Variants in TPP2 observed in about 807,000 individuals in gnomAD.
TPP2 encodes tripeptidyl peptidase 2, also known as tripeptidyl-peptidase 2.
TPP2 carries 34 observed loss-of-function variants against 155.9 expected under a neutral mutation model. That is an observed-to-expected ratio of 0.22 (90% confidence interval 0.17 to 0.29). TPP2 has a LOEUF of 0.29. Ranked by LOEUF, TPP2 falls within the 10% of genes least tolerant of loss-of-function variation. TPP2 has a pLI of 1.00. For synonymous variants in TPP2, 510 were observed against 529.4 expected, an observed-to-expected ratio of 0.96 and a Z score of 0.50; for missense variants, 1,028 against 1,522.3, an observed-to-expected ratio of 0.68 and a Z score of 5.40.
chr13:102,659,571 G>C (rs1884076042), intron 25 of TPP2, among the ~76,000 whole-genome samples: 1 of 152,150 alleles, frequency 6.6e-6, no homozygotes, highest in Non-Finnish European at 1.5e-5. Flanking sequence ...TATATTCAGA[G>C]TGCTCAAAAA....
chr13:102,605,192 G>A (rs956764792), intron 2 of TPP2, among the ~76,000 whole-genome samples: 11 of 152,190 alleles, frequency 7.2e-5, no homozygotes, highest in African/African-American at 2.7e-4. Flanking sequence ...CTCAGCTTGG[G>A]AGAAGAAGGG....
At chr13:102,604,105 T>A (rs564855509) in intron 1 of TPP2, among the ~76,000 whole-genome samples, 70 of 152,084 alleles carry the variant, frequency 4.6e-4, no homozygotes, top group African/African-American at 1.6e-3. Context: ...CTGGAGAAAA[T>A]CAGGTGGTGG....
Position 102,678,485 on chromosome 13 carries a change from A to T in TPP2, c.*169A>T, listed in dbSNP as rs1307738053. Reference sequence around the variant, plus strand: ...AATTCACTGACGTGTGGCTTAATACATGTAAATCTAGACCTCTGACATCAT... The same window carrying T: ...AATTCACTGACGTGTGGCTTAATACTTGTAAATCTAGACCTCTGACATCAT... On this transcript the variant is annotated 3_prime_UTR_variant, in exon 30 of 30. Coordinates refer to ENST00000376052, the MANE Select transcript of TPP2 (RefSeq NM_001330588.2). 3.9e-6 allele frequency: 2 copies of T among 509,886 alleles called. No individual in the cohort carries two copies. Among genetic ancestry groups the T allele is most frequent in the African/African-American group, 3.1e-5 (1 of 32,280 alleles). The allele number at this position is 509,886 out of a possible 1,614,324, so 31.6% of individuals were successfully genotyped here.
intron 25 of TPP2, among the ~76,000 whole-genome samples, chr13:102,662,747 T>C (rs1884314467): frequency 6.6e-6 from 1 of 152,206 alleles, no homozygotes; most frequent in Non-Finnish European, 1.5e-5. Context: ...TTTGTTAATA[T>C]ATTAAGTGAC....
chr13:102,621,707 C>T (rs1024409061), intron 5 of TPP2, among the ~76,000 whole-genome samples: 2 of 151,952 alleles, frequency 1.3e-5, no homozygotes, highest in Non-Finnish European at 2.9e-5. Flanking sequence ...CAGGCAACAG[C>T]GGTAAGGAAG....
rs540531001 is a variant in TPP2 at position 102,612,116 on chromosome 13, T to TA, written c.295-1977dup. Among the ~76,000 whole-genome samples the TA allele has an allele frequency of 1.2e-3, 175 of 152,142 alleles. 1 individual carries two copies. Among genetic ancestry groups the TA allele is most frequent in the Admixed American group, 2.5e-3 (38 of 15,270 alleles). ...CTTAGTCTTAAATATTTTTGGTTTT[T>TA]AAAAAAAATAAAATAAAGATAAATC... On this transcript the variant is annotated intron_variant, in intron 2 of 29. Transcript: ENST00000376052.
intron 25 of TPP2, 147 bp from the exon 26 acceptor site, chr13:102,663,501 A>T: frequency 1.7e-6 from 1 of 579,104 alleles, no homozygotes; most frequent in East Asian, 3.3e-5. Flanking sequence ...GCCAATAATG[A>T]TAATCCTTGT....
rs555886020 is a variant in TPP2, at chr13:102,597,164, C to T, written c.126C>T (p.Val42=). 26 of 1,588,190 alleles carry T rather than the reference C, an allele frequency of 1.6e-5. No individual in the cohort carries two copies. The South Asian group carries it at 2.6e-4, about 16-fold the overall frequency. ...ATGGGCGGGGGGTGCTCATCGCAGT[C>T]CTGGACACGGGGGTCGACCCGGGGG... ...EYDGRGVLIA[V]LDTGVDPGAP... Residue 42 remains valine (V), a synonymous_variant, in exon 1 of 30, where the codon GTC becomes GTT. Transcript: ENST00000376052.
intron 2 of TPP2, among the ~76,000 whole-genome samples, chr13:102,610,961 CT>C (rs978182809): frequency 1.3e-5 from 2 of 152,090 alleles, no homozygotes; most frequent in African/African-American, 4.8e-5. Context: ...CATTCCTTTG[CT>C]TTTTTGTGTG....
At chr13:102,651,841 G>A (rs1162649853) in intron 24 of TPP2, among the ~76,000 whole-genome samples, 2 of 151,824 alleles carry the variant, frequency 1.3e-5, no homozygotes, top group South Asian at 2.1e-4. Flanking sequence ...TTTTTAAAGC[G>A]AACTTTATTC....
At position 102,640,641 on chromosome 13, in the gene TPP2, A is replaced by ATTTTTTTTTTTT. The variant is rs5806315; in HGVS notation, c.2020+282_2020+293dup. The stretch of plus-strand genomic sequence containing the variant: ...TAGAATAATGCCTTACCTGGTAATA[A>ATTTTTTTTTTTT]TTTTTTTTTTTTTTTTTTTTTTTTT... On this transcript the variant is annotated intron_variant, in intron 16 of 29. Transcript: ENST00000376052. Among the ~76,000 whole-genome samples the ATTTTTTTTTTTT allele has an allele frequency of 2.6e-4, 22 of 84,234 alleles. 1 individual carries two copies. The highest frequency in any genetic ancestry group is 4.2e-4 in the Admixed American group (3 of 7,096). 55.3% of individuals were successfully genotyped at this position (84,234 alleles called of 152,430 possible). A position where few individuals can be genotyped will look rare whatever the true frequency, so the allele number is the denominator to read the frequency against.
intron 25 of TPP2, among the ~76,000 whole-genome samples, chr13:102,662,860 G>A (rs677594): frequency 0.5 from 75,451 of 151,842 alleles, 19,128 homozygotes; most frequent in African/African-American, 0.6. Flanking sequence ...CAGCCTCCGC[G>A]TCGGGGAACA....
At chr13:102,666,576 C>G (rs1884607688) in intron 27 of TPP2, among the ~76,000 whole-genome samples, 1 of 152,032 alleles carries the variant, frequency 6.6e-6, no homozygotes, top group Non-Finnish European at 1.5e-5. Context: ...TACTTTCTAG[C>G]TTTTGTTATT....
intron 17 of TPP2, among the ~76,000 whole-genome samples, chr13:102,644,259 C>A (rs987961721): frequency 2.6e-5 from 4 of 152,156 alleles, no homozygotes; most frequent in African/African-American, 7.2e-5. Context: ...TTTTTTATTT[C>A]ACTTCGAAAT....
chr13:102,652,397 CATATATATATAT>C lies in TPP2; in HGVS notation c.2991+1046_2991+1057del, dbSNP rs10530428. 3.5e-3 allele frequency among the ~76,000 whole-genome samples: 444 copies of C among 125,112 alleles called. 5 individuals are homozygous for C. The highest frequency in any genetic ancestry group is 8.4e-3 in the Middle Eastern group (2 of 238). The allele number at this position is 125,112 out of a possible 152,430, so 82.1% of individuals were successfully genotyped here. A position where few individuals can be genotyped will look rare whatever the true frequency, so the allele number is the denominator to read the frequency against. On this transcript the variant is annotated intron_variant, in intron 24 of 29. Coordinates refer to ENST00000376052, the MANE Select transcript of TPP2 (RefSeq NM_001330588.2). ...CCTGTCTCAAAACAAAACATACATA[CATATATATATAT>C]ATATATATATATATATATATATATA...
intron 27 of TPP2, among the ~76,000 whole-genome samples, chr13:102,671,784 G>A (rs1884999201): frequency 6.6e-6 from 1 of 152,128 alleles, no homozygotes; most frequent in South Asian, 2.1e-4. Flanking sequence ...TCTTTGCCCG[G>A]TAACAGCGGG....
Position 102,629,563 on chromosome 13 carries a change from C to T in TPP2, c.1098C>T (p.Cys366=). The change falls in exon 9 of 30, where the codon TGC becomes TGT. Residue 366 remains cysteine, a synonymous_variant. Coordinates refer to ENST00000376052, the MANE Select transcript of TPP2 (RefSeq NM_001330588.2). ...CAAGTGCTGGAAATAATGGTCCATG[C>T]CTGTCTACAGTTGGTTGTCCAGGTG... ...YVSSAGNNGP[C]LSTVGCPGGT... is the part of the protein sequence containing the mutation. The T allele has an allele frequency of 6.4e-7, 1 of 1,553,892 alleles. No homozygotes were observed.
chr13:102,623,224 T>C (rs574771270), intron 6 of TPP2, among the ~76,000 whole-genome samples, 184 bp downstream of exon 6: 4 of 152,324 alleles, frequency 2.6e-5, no homozygotes, highest in African/African-American at 7.2e-5. Context: ...GTCATAACCA[T>C]GTGGGATCCA....
At chr13:102,628,624 C>G (rs1166943874) in intron 8 of TPP2, among the ~76,000 whole-genome samples, 1 of 152,070 alleles carries the variant, frequency 6.6e-6, no homozygotes, top group Non-Finnish European at 1.5e-5. Flanking sequence ...TGTTACCTTC[C>G]TTTTTTTCTT....
Sources: allele counts gnomAD v4.1 joint callset (sites outside exome capture counted in the v4.1 genomes callset), GRCh38; gene constraint gnomAD v4.1.1; transcripts MANE v1.5; gene names NCBI Gene and HGNC (gene_info 2026-07-23, HGNC 2026-07-21).